The following HMHB1 variants were observed in gnomAD, a reference collection of about 807,000 sequenced individuals.
The protein encoded by HMHB1 is minor histocompatibility protein HB-1.
In HMHB1, 4 loss-of-function variants were observed where a neutral mutation model predicts 2.4. That is an observed-to-expected ratio of 1.65 (90% CI 0.81 to 3.77). HMHB1 has a LOEUF of 3.77. Ranked by LOEUF, HMHB1 falls within the 30% of genes most tolerant of loss-of-function variation. The pLI is 0.01. For missense variants in HMHB1, 57 were observed against 44.2 expected (o/e 1.29, Z -0.82); for synonymous variants, 22 against 17.6 (o/e 1.25, Z -0.63).
chr5:143,819,560 G>A (rs879493463), intron 1 of HMHB1, among the ~76,000 whole-genome samples: 16 of 151,634 alleles, frequency 1.1e-4, no homozygotes, highest in Middle Eastern at 6.8e-3. Flanking sequence ...GCTTGAGCTC[G>A]GGGGGCGGAG....
At chr5:143,816,213 C>A (rs1353966247) in intron 1 of HMHB1, among the ~76,000 whole-genome samples, 2 of 152,134 alleles carry the variant, frequency 1.3e-5, no homozygotes, top group Non-Finnish European at 2.9e-5. Flanking sequence ...TAAATATTCT[C>A]ATTTCCATAG....
intron 1 of HMHB1, among the ~76,000 whole-genome samples, chr5:143,814,955 A>G (rs936267583): frequency 5.3e-5 from 8 of 152,288 alleles, no homozygotes; most frequent in Middle Eastern, 3.4e-3. Flanking sequence ...GATATTTGTT[A>G]TCCCGTCAAA....
intron 1 of HMHB1, 137 bp from the exon 2 acceptor site, chr5:143,820,343 A>AAAAAAAG: frequency 3.1e-6 from 1 of 326,884 alleles, no homozygotes; most frequent in Non-Finnish European, 5.6e-6. Flanking sequence ...AAAAAAAAAA[A>AAAAAAAG]AAAAAAACAG....
At chr5:143,815,792 C>T (rs553685868) in intron 1 of HMHB1, among the ~76,000 whole-genome samples, 49 of 150,578 alleles carry the variant, frequency 3.3e-4, no homozygotes, top group Non-Finnish European at 6.3e-4. Context: ...CTGCAAGCTC[C>T]GCTTCCCGGG....
Position 143,820,503 on chromosome 5 carries a change from G to A in HMHB1, c.61G>A (p.Glu21Lys), listed in dbSNP as rs200519789. Residue 21 changes from glutamate (E) to lysine (K), a missense_variant, in exon 2 of 2, where the codon GAA (glutamate) becomes AAA (lysine). Physicochemically the swap from Glu to Lys is moderately conservative, Grantham distance 56. Transcript: ENST00000289448. The stretch of plus-strand genomic sequence containing the variant: ...AGGTTCTCTGCATGTTTGGAAGTCG[G>A]AATTGGTTGAAGTTGAAGATGATGT... The A allele has an allele frequency of 5.1e-5, 82 of 1,612,500 alleles. No homozygotes were observed. In the South Asian group the frequency reaches 8.2e-4, roughly 16 times the overall value.
In HMHB1 at chr5:143,812,179, A is replaced by T; in HGVS notation, c.-89A>T. 1.6e-6 allele frequency: 2 copies of T among 1,224,012 alleles called. No homozygotes were observed. Among genetic ancestry groups the T allele is most frequent in the Non-Finnish European group, 1.2e-6 (1 of 857,368 alleles). 75.8% of individuals were successfully genotyped at this position (1,224,012 alleles called of 1,614,324 possible). On this transcript the variant is annotated 5_prime_UTR_variant, in exon 1 of 2. Coordinates refer to ENST00000289448, the MANE Select transcript of HMHB1 (RefSeq NM_021182.3). ...GAGGAAACCACATCCCAGGAGGCCG[A>T]GGCGGCTTGCCCCGCATCTCAGAAG...
intron 1 of HMHB1, 88 bp downstream of exon 1, chr5:143,812,392 G>A: frequency 1.6e-6 from 2 of 1,277,632 alleles, no homozygotes; most frequent in Non-Finnish European, 1.1e-6. Flanking sequence ...CTGGTGGAAT[G>A]AGAGGGAAAC....
At chr5:143,817,438 C>T (rs776155822) in intron 1 of HMHB1, among the ~76,000 whole-genome samples, 1 of 152,152 alleles carries the variant, frequency 6.6e-6, no homozygotes, top group Non-Finnish European at 1.5e-5. Context: ...AGCCAATTAT[C>T]CCACCACCAT....
chr5:143,819,935 T>C (rs1041249518), intron 1 of HMHB1, among the ~76,000 whole-genome samples: 4 of 152,154 alleles, frequency 2.6e-5, no homozygotes, highest in Non-Finnish European at 4.4e-5. Flanking sequence ...CCTTTCATGG[T>C]TGCTCTGGAA....
chr5:143,815,024 C>T (rs1438099245), intron 1 of HMHB1, among the ~76,000 whole-genome samples: 1 of 152,196 alleles, frequency 6.6e-6, no homozygotes, highest in African/African-American at 2.4e-5. Context: ...GTTGCTCTGT[C>T]TGATACTGTT....
chr5:143,817,684 G>A lies in HMHB1; in HGVS notation c.38-2796G>A, dbSNP rs1450965666. On this transcript the variant is annotated intron_variant, in intron 1 of 1. Transcript: ENST00000289448. ...TTTGCTTATCTTGGTTTGGCTATGC[G>A]GGCTCTTTTTTGGATCCATATGAAT... Among the ~76,000 whole-genome samples the A allele has an allele frequency of 3.9e-5, 6 of 151,986 alleles. No individual in the cohort carries two copies. The East Asian group carries it at 5.8e-4, about 15-fold the overall frequency.
At chr5:143,820,338 A>C (rs565232343) in intron 1 of HMHB1, 142 bp from the exon 2 acceptor site, 83 of 345,224 alleles carry the variant, frequency 2.4e-4, no homozygotes, top group African/African-American at 1.8e-3. Flanking sequence ...AAAAAAAAAA[A>C]AAAAAAAAAA....
intron 1 of HMHB1, among the ~76,000 whole-genome samples, chr5:143,815,718 G>C (rs1486120858): frequency 1.6e-5 from 2 of 125,280 alleles, no homozygotes; most frequent in African/African-American, 6.3e-5. Context: ...TTTTTTTTTT[G>C]AGACGGAGTC....
intron 1 of HMHB1, among the ~76,000 whole-genome samples, chr5:143,819,774 A>G (rs1419367920): frequency 6.6e-6 from 1 of 152,182 alleles, no homozygotes; most frequent in African/African-American, 2.4e-5. Context: ...AGTGATGGCA[A>G]TAGAATAAAT....
At position 143,816,237 on chromosome 5, in the gene HMHB1, A is replaced by G. The variant is rs900682398; in HGVS notation, c.37+3933A>G. Among the ~76,000 whole-genome samples, 4 of 152,186 alleles carry G rather than the reference A, an allele frequency of 2.6e-5. No homozygotes were observed. The South Asian group carries it at 8.3e-4, about 32-fold the overall frequency. ...TCATTTCCATAGGTTATTGTGGAGTAGGTGGTGTTTGGTTACATGAGTCAG... is the reference window on the plus strand; with the variant it reads ...TCATTTCCATAGGTTATTGTGGAGTGGGTGGTGTTTGGTTACATGAGTCAG... On this transcript the variant is annotated intron_variant, in intron 1 of 1. Transcript: ENST00000289448.
rs772095288 is a variant in HMHB1 at position 143,820,506 on chromosome 5, T to C, written c.64T>C (p.Leu22=). The change falls in exon 2 of 2, where the codon TTG becomes CTG. Residue 22 remains leucine, a synonymous_variant. Transcript: ENST00000289448. Reference sequence around the variant, plus strand: ...TTCTCTGCATGTTTGGAAGTCGGAATTGGTTGAAGTTGAAGATGATGTGTA... The same window carrying C: ...TTCTCTGCATGTTTGGAAGTCGGAACTGGTTGAAGTTGAAGATGATGTGTA... The C allele has an allele frequency of 1.2e-6, 2 of 1,612,558 alleles. No homozygotes were observed. The highest frequency in any genetic ancestry group is 1.1e-5 in the South Asian group (1 of 91,030).
At chr5:143,812,480 C>A (rs766734748) in intron 1 of HMHB1, among the ~76,000 whole-genome samples, 176 bp downstream of exon 1, 2 of 152,046 alleles carry the variant, frequency 1.3e-5, no homozygotes, top group African/African-American at 2.4e-5. Context: ...TTATTTAGGG[C>A]GGATAGTTTC....
At chr5:143,815,765 G>A (rs1306716504) in intron 1 of HMHB1, among the ~76,000 whole-genome samples, 1 of 148,770 alleles carries the variant, frequency 6.7e-6, no homozygotes, top group Non-Finnish European at 1.5e-5. Context: ...GGACTGCAGT[G>A]GCGCAATCTC....
At chr5:143,819,759 C>G (rs1043146758) in intron 1 of HMHB1, among the ~76,000 whole-genome samples, 2 of 152,018 alleles carry the variant, frequency 1.3e-5, no homozygotes, top group Non-Finnish European at 2.9e-5. Context: ...TTTTTAAATG[C>G]CCAGAGTGAT....
Sources: allele counts gnomAD v4.1 joint callset (sites outside exome capture counted in the v4.1 genomes callset), GRCh38; gene constraint gnomAD v4.1.1; transcripts MANE v1.5; gene names NCBI Gene and HGNC (gene_info 2026-07-23, HGNC 2026-07-21).